PTPN14: variants seen among roughly 807,000 people sequenced by gnomAD.
PTPN14 encodes the protein tyrosine-protein phosphatase non-receptor type 14.
In PTPN14, 53 loss-of-function variants were observed where a neutral mutation model predicts 126.8. That is an observed-to-expected ratio of 0.42 (90% CI 0.34 to 0.53). The LOEUF is 0.53. PTPN14 is among the 20% of genes least tolerant of loss of function. The pLI, the probability that PTPN14 is intolerant of heterozygous loss-of-function variation, is 0.08. For synonymous variants in PTPN14, 630 were observed against 599.3 expected, an observed-to-expected ratio of 1.05 and a Z score of -0.75; for missense variants, 1,257 against 1,552.9, an observed-to-expected ratio of 0.81 and a Z score of 3.20.
At chr1:214,359,137 A>G (rs3104459) in intron 18 of PTPN14, among the ~76,000 whole-genome samples, 20,070 of 152,110 alleles carry the variant, frequency 0.13, 1,454 homozygotes, top group Middle Eastern at 0.2. Flanking sequence ...TTTAAGTGTA[A>G]ACCTTTAAAA....
chr1:214,548,443 G>C (rs186935325), intron 1 of PTPN14, among the ~76,000 whole-genome samples: 1 of 152,126 alleles, frequency 6.6e-6, no homozygotes, highest in Non-Finnish European at 1.5e-5. Context: ...CAAAGCTTTC[G>C]TGTTTGTTTT....
At chr1:214,549,707 C>T (rs142989201) in intron 1 of PTPN14, among the ~76,000 whole-genome samples, 50 of 152,248 alleles carry the variant, frequency 3.3e-4, no homozygotes, top group Middle Eastern at 3.4e-3. Context: ...AGAATCAATA[C>T]CATTTTAATG....
rs577625757 is a variant in PTPN14, at chr1:214,479,847, C to T, written c.-154-14890G>A. On this transcript the variant is annotated intron_variant, in intron 1 of 18. Transcript: ENST00000366956. The stretch of plus-strand genomic sequence containing the variant: ...AAAACTAAAAGAAAAAAATCACCCA[C>T]GTCACCACCCACAGAGGACCAATAT... 7.2e-5 allele frequency among the ~76,000 whole-genome samples: 11 copies of T among 152,232 alleles called. No individual in the cohort carries two copies. In the South Asian group the frequency reaches 1.5e-3, roughly 20 times the overall value.
intron 4 of PTPN14, 148 bp downstream of exon 4, chr1:214,414,481 G>C: frequency 1.3e-6 from 1 of 757,118 alleles, no homozygotes; most frequent in Admixed American, 2.5e-5. Context: ...CACTAACTTT[G>C]CATTTTTCAC....
chr1:214,418,945 T>C (rs992830047), intron 3 of PTPN14, among the ~76,000 whole-genome samples: 10 of 152,284 alleles, frequency 6.6e-5, no homozygotes, highest in Non-Finnish European at 1.0e-4. Flanking sequence ...GATTGTAGGC[T>C]CCCATCTGGA....
chr1:214,512,346 G>C (rs1654997974), intron 1 of PTPN14, among the ~76,000 whole-genome samples: 1 of 152,070 alleles, frequency 6.6e-6, no homozygotes, highest in Non-Finnish European at 1.5e-5. Flanking sequence ...AACCAATCCT[G>C]CTGCTTCTCC....
chr1:214,385,127 T>G (rs1191185549), intron 12 of PTPN14, among the ~76,000 whole-genome samples: 2 of 152,164 alleles, frequency 1.3e-5, no homozygotes, highest in East Asian at 3.9e-4. Flanking sequence ...AGGCCTGTCC[T>G]CTTGTGCAGG....
At chr1:214,532,739 A>C in intron 1 of PTPN14, 1 of 786,916 alleles carries the variant, frequency 1.3e-6, no homozygotes, top group East Asian at 2.4e-5. Context: ...GGGCTCTGCA[A>C]GGTCACTGAT....
At chr1:214,365,383 G>A (rs1430119630) in intron 17 of PTPN14, among the ~76,000 whole-genome samples, 1 of 151,962 alleles carries the variant, frequency 6.6e-6, no homozygotes, top group African/African-American at 2.4e-5. Context: ...ACTCCAATTA[G>A]GCACAAAAGA....
At chr1:214,502,429 T>C (rs1173396649) in intron 1 of PTPN14, among the ~76,000 whole-genome samples, 5 of 152,208 alleles carry the variant, frequency 3.3e-5, no homozygotes, top group Admixed American at 2.0e-4. Flanking sequence ...TATAATACAA[T>C]ACAGCTCAGA....
At chr1:214,396,625 G>A (rs1389111202) in intron 8 of PTPN14, among the ~76,000 whole-genome samples, 1 of 152,200 alleles carries the variant, frequency 6.6e-6, no homozygotes, top group African/African-American at 2.4e-5. Flanking sequence ...TCATCTTGTA[G>A]TGGTTTCAAG....
intron 1 of PTPN14, among the ~76,000 whole-genome samples, chr1:214,500,409 T>A (rs1370011635): frequency 1.3e-5 from 2 of 152,130 alleles, no homozygotes; most frequent in Admixed American, 6.6e-5. Context: ...ATTTTCCTAG[T>A]TCTTTGGATT....
At chr1:214,496,414 T>C (rs1284691530) in intron 1 of PTPN14, among the ~76,000 whole-genome samples, 2 of 152,204 alleles carry the variant, frequency 1.3e-5, no homozygotes, top group Non-Finnish European at 2.9e-5. Flanking sequence ...CTAGTTATAC[T>C]GCACACTGAC....
intron 11 of PTPN14, 82 bp from the exon 12 acceptor site, chr1:214,387,004 A>G (rs1226330329): frequency 3.8e-6 from 5 of 1,303,210 alleles, no homozygotes; most frequent in Admixed American, 2.0e-5. Flanking sequence ...GGCACACGGC[A>G]GTCCCGCCAC....
intron 1 of PTPN14, among the ~76,000 whole-genome samples, chr1:214,488,719 G>A (rs928031588): frequency 6.6e-6 from 1 of 152,180 alleles, no homozygotes; most frequent in African/African-American, 2.4e-5. Context: ...TAGTGGGGAT[G>A]AATTCTTCAG....
intron 1 of PTPN14, among the ~76,000 whole-genome samples, chr1:214,547,831 C>A (rs7542891): frequency 0.051 from 7,692 of 151,984 alleles, 686 homozygotes; most frequent in African/African-American, 0.18. Context: ...CTGCCTGGTC[C>A]CCCACCTCTC....
At chr1:214,540,399 G>A (rs1206550297) in intron 1 of PTPN14, among the ~76,000 whole-genome samples, 2 of 152,132 alleles carry the variant, frequency 1.3e-5, no homozygotes, top group South Asian at 4.1e-4. Context: ...TTGCTGGCTT[G>A]AGCTGTCACC....
At chr1:214,406,491 G>GA (rs370339166) in intron 5 of PTPN14, among the ~76,000 whole-genome samples, 6 of 141,156 alleles carry the variant, frequency 4.3e-5, no homozygotes, top group Admixed American at 7.0e-5. Context: ...AAAAAAAAAA[G>GA]AAAAAAAAAA....
At chr1:214,547,824 C>G (rs1014897426) in intron 1 of PTPN14, among the ~76,000 whole-genome samples, 8 of 152,192 alleles carry the variant, frequency 5.3e-5, no homozygotes, top group African/African-American at 1.9e-4. Flanking sequence ...TTCTCTACTG[C>G]CTGGTCCCCC....
Sources: gnomAD v4.1 joint callset for allele counts (sites outside exome capture counted in the v4.1 genomes callset) on GRCh38, gnomAD v4.1.1 for gene constraint, MANE v1.5 for transcripts, NCBI Gene and HGNC (gene_info 2026-07-23, HGNC 2026-07-21) for gene names.